PIEZO2: variants seen among roughly 807,000 people sequenced by gnomAD.
The protein encoded by PIEZO2 is piezo type mechanosensitive ion channel component 2, also known as piezo-type mechanosensitive ion channel component 2.
A neutral mutation model predicts 337.3 loss-of-function variants in PIEZO2; 172 were observed. That is an observed-to-expected ratio of 0.51 (90% CI 0.45 to 0.58). The LOEUF (loss-of-function observed/expected upper bound fraction) is 0.58, where lower values mean the gene tolerates loss of function less well. PIEZO2 is among the 20% of genes least tolerant of loss of function. PIEZO2 has a pLI of 0.00. For synonymous variants in PIEZO2, 1,251 were observed against 1,228.5 expected (o/e 1.02, Z -0.38); for missense variants, 3,028 against 3,391.3 (o/e 0.89, Z 2.66).
chr18:10,848,251 T>C (rs1461413244), intron 7 of PIEZO2, among the ~76,000 whole-genome samples: 1 of 152,232 alleles, frequency 6.6e-6, no homozygotes, highest in Non-Finnish European at 1.5e-5. Context: ...ATATACAGCA[T>C]TGAGGCACTT....
rs534627734 is a variant in PIEZO2 at position 10,825,234 on chromosome 18, C to T, written c.918-17960G>A. 8.5e-5 allele frequency among the ~76,000 whole-genome samples: 13 copies of T among 152,282 alleles called. No homozygotes were observed. The South Asian group carries it at 1.0e-3, about 12-fold the overall frequency. On this transcript the variant is annotated intron_variant, in intron 7 of 55. Transcript: ENST00000674853. Reference sequence around the variant, plus strand: ...ATTACATTTAATCATCATGTCTCTACGGGCACCTCTAGGCAATGACTTCTT... The same window carrying T: ...ATTACATTTAATCATCATGTCTCTATGGGCACCTCTAGGCAATGACTTCTT...
At chr18:10,992,560 G>A (rs2145562823) in intron 2 of PIEZO2, among the ~76,000 whole-genome samples, 1 of 152,226 alleles carries the variant, frequency 6.6e-6, no homozygotes, top group Admixed American at 6.5e-5. Context: ...TGATTTCTGA[G>A]GCCTCTGTCC....
At position 10,783,754 on chromosome 18, in the gene PIEZO2, C is replaced by G. The variant is rs2039114162; in HGVS notation, c.2492+1030G>C. 6.6e-6 allele frequency among the ~76,000 whole-genome samples: 1 copy of G among 152,060 alleles called. No homozygotes were observed. The highest frequency in any genetic ancestry group is 1.5e-5 in the Non-Finnish European group (1 of 68,010). ...AAGTATCAGAATGATAGGCGAAACACAACACAATAAGAAAAGTGAATCTGC... is the reference window on the plus strand; with the variant it reads ...AAGTATCAGAATGATAGGCGAAACAGAACACAATAAGAAAAGTGAATCTGC... On this transcript the variant is annotated intron_variant, in intron 17 of 55. Coordinates refer to ENST00000674853, the MANE Select transcript of PIEZO2 (RefSeq NM_001378183.1). This position sits in a 1 kb window ranked among gnomAD's most constrained non-coding sequence, Gnocchi z 4.3.
At chr18:11,061,898 G>GAAAA (rs2037975033) in intron 2 of PIEZO2, among the ~76,000 whole-genome samples, 1 of 152,040 alleles carries the variant, frequency 6.6e-6, no homozygotes, top group South Asian at 2.1e-4. Context: ...CACAGAATTG[G>GAAAA]AAAAAACTAC....
In PIEZO2 at chr18:11,132,357, A is replaced by G. The variant is rs2040364802; in HGVS notation, c.64+16168T>C. Among the ~76,000 whole-genome samples, 1 of 152,114 alleles carries G rather than the reference A, an allele frequency of 6.6e-6. No individual in the cohort carries two copies. The highest frequency in any genetic ancestry group is 6.6e-5 in the Admixed American group (1 of 15,266). On this transcript the variant is annotated intron_variant, in intron 1 of 55. Coordinates refer to ENST00000674853, the MANE Select transcript of PIEZO2 (RefSeq NM_001378183.1). The surrounding 1 kb of genome is among the most constrained non-coding windows in gnomAD (Gnocchi z 4.7). ...CCAATGTGCTCTTACTATATTCCCCATCATTCTGAAGCAGGTGGATTGATA... is the reference window on the plus strand; with the variant it reads ...CCAATGTGCTCTTACTATATTCCCCGTCATTCTGAAGCAGGTGGATTGATA...
chr18:10,685,758 C>T (rs976666313), intron 49 of PIEZO2, among the ~76,000 whole-genome samples: 3 of 152,212 alleles, frequency 2.0e-5, no homozygotes, highest in African/African-American at 7.2e-5. Context: ...AGTGAAACGG[C>T]GTCTCACTGT....
intron 2 of PIEZO2, among the ~76,000 whole-genome samples, chr18:11,036,808 T>C (rs2036937249): frequency 6.6e-6 from 1 of 152,196 alleles, no homozygotes; most frequent in Non-Finnish European, 1.5e-5. Flanking sequence ...GGTAAGTATC[T>C]GCATGCCAAA....
intron 3 of PIEZO2, among the ~76,000 whole-genome samples, chr18:10,977,268 A>T (rs1598772053): frequency 6.6e-6 from 1 of 151,858 alleles, no homozygotes; most frequent in East Asian, 1.9e-4. Flanking sequence ...ATTACTCAGC[A>T]ACCTAAATTT....
Position 10,897,962 on chromosome 18 carries a change from A to T in PIEZO2, c.329+13224T>A, listed in dbSNP as rs371971426. Among the ~76,000 whole-genome samples, 31 of 152,356 alleles carry T rather than the reference A, an allele frequency of 2.0e-4. No individual in the cohort carries two copies. The East Asian group carries it at 3.1e-3, about 15-fold the overall frequency. Reference sequence around the variant, plus strand: ...GAATGATATTGAGGTAGGCTGGTGCAAGCTCCTCAAGTCCTTCTTGGTTAT... The same window carrying T: ...GAATGATATTGAGGTAGGCTGGTGCTAGCTCCTCAAGTCCTTCTTGGTTAT... On this transcript the variant is annotated intron_variant, in intron 4 of 55. Transcript: ENST00000674853.
intron 2 of PIEZO2, among the ~76,000 whole-genome samples, chr18:11,030,687 A>G (rs1369253510): frequency 6.6e-6 from 1 of 152,176 alleles, no homozygotes; most frequent in Non-Finnish European, 1.5e-5. Context: ...AGGCCTCCAT[A>G]GGGGACGGTG....
chr18:10,938,561 G>T (rs1176823893), intron 3 of PIEZO2, among the ~76,000 whole-genome samples: 2 of 152,014 alleles, frequency 1.3e-5, no homozygotes, highest in African/African-American at 4.8e-5. Context: ...AGCAATTCCA[G>T]AAAAATACTG....
At chr18:10,949,619 T>C (rs921528513) in intron 3 of PIEZO2, among the ~76,000 whole-genome samples, 2 of 152,258 alleles carry the variant, frequency 1.3e-5, no homozygotes, top group African/African-American at 2.4e-5. Context: ...CAGAAGTGCA[T>C]TGAATTGGTT....
intron 2 of PIEZO2, among the ~76,000 whole-genome samples, chr18:10,998,921 T>G (rs1378490699): frequency 2.0e-5 from 3 of 151,776 alleles, no homozygotes; most frequent in South Asian, 4.2e-4. Flanking sequence ...GAACTGGGAT[T>G]TAAACAAACA....
intron 5 of PIEZO2, 141 bp from the exon 6 acceptor site, chr18:10,857,352 C>A: frequency 1.5e-6 from 1 of 686,862 alleles, no homozygotes. Flanking sequence ...CCAGTTCATT[C>A]CCCTCAGGTC....
At chr18:11,014,098 C>T (rs1459552915) in intron 2 of PIEZO2, among the ~76,000 whole-genome samples, 1 of 152,256 alleles carries the variant, frequency 6.6e-6, no homozygotes, top group African/African-American at 2.4e-5. Flanking sequence ...CTGAGCGTTA[C>T]AGCTCTGAGG....
At chr18:10,874,295 T>G (rs2042213503) in intron 4 of PIEZO2, among the ~76,000 whole-genome samples, 1 of 151,528 alleles carries the variant, frequency 6.6e-6, no homozygotes, top group African/African-American at 2.4e-5. Context: ...AGAATGGTTA[T>G]TATCAAAAAG....
At position 10,833,531 on chromosome 18, in the gene PIEZO2, C is replaced by T. The variant is rs570043677; in HGVS notation, c.917+21822G>A. Reference sequence around the variant, plus strand: ...ATTTCTGTTGGAGTTCAGAATAACCCGTCTGTGCCCCCAGTTACTACAAGG... The same window carrying T: ...ATTTCTGTTGGAGTTCAGAATAACCTGTCTGTGCCCCCAGTTACTACAAGG... On this transcript the variant is annotated intron_variant, in intron 7 of 55. Coordinates refer to ENST00000674853, the MANE Select transcript of PIEZO2 (RefSeq NM_001378183.1). The surrounding 1 kb of genome is among the most constrained non-coding windows in gnomAD (Gnocchi z 4.7). Among the ~76,000 whole-genome samples, 11 of 152,212 alleles carry T rather than the reference C, an allele frequency of 7.2e-5. No individual in the cohort carries two copies. Among genetic ancestry groups the T allele is most frequent in the Admixed American group, 1.3e-4 (2 of 15,292 alleles).
intron 1 of PIEZO2, among the ~76,000 whole-genome samples, chr18:11,073,328 A>G (rs916762192): frequency 2.0e-5 from 3 of 152,112 alleles, no homozygotes; most frequent in Non-Finnish European, 4.4e-5. Flanking sequence ...GAATACAGTA[A>G]AAGTATTGGG....
Position 10,916,273 on chromosome 18 carries a change from C to T in PIEZO2, c.287-5045G>A, listed in dbSNP as rs145442793. On this transcript the variant is annotated intron_variant, in intron 3 of 55. Transcript: ENST00000674853. The stretch of plus-strand genomic sequence containing the variant: ...CCAGGGCCGCAGGCAGCCAGTCCCA[C>T]GCTGCACGCCCCTGCACCCCTCAGC... Among the ~76,000 whole-genome samples, 445 of 152,288 alleles carry T rather than the reference C, an allele frequency of 2.9e-3. 7 individuals carry two copies. The highest frequency in any genetic ancestry group is 0.026 in the Admixed American group (401 of 15,304).
Sources: allele counts gnomAD v4.1 joint callset (sites outside exome capture counted in the v4.1 genomes callset), GRCh38; gene constraint gnomAD v4.1.1; non-coding constraint Gnocchi (gnomAD v3.1); transcripts MANE v1.5; gene names NCBI Gene and HGNC (gene_info 2026-07-23, HGNC 2026-07-21).